COL22A1: variants seen among roughly 807,000 people sequenced by gnomAD.
COL22A1 encodes collagen alpha-1(XXII) chain.
In COL22A1, 221 loss-of-function variants were observed where a neutral mutation model predicts 248.9. That is an observed-to-expected ratio of 0.89 (90% CI 0.80 to 0.99). The LOEUF is 0.99. Ranked by LOEUF, COL22A1 falls within the 50% of genes least tolerant of loss-of-function variation. COL22A1 has a pLI of 0.00. For missense variants in COL22A1, 2,240 were observed against 2,179.0 expected, an observed-to-expected ratio of 1.03 and a Z score of -0.56; for synonymous variants, 891 against 793.4, an observed-to-expected ratio of 1.12 and a Z score of -2.07.
At chr8:138,747,638 A>G (rs1832232644) in intron 22 of COL22A1, among the ~76,000 whole-genome samples, 1 of 152,122 alleles carries the variant, frequency 6.6e-6, no homozygotes, top group Admixed American at 6.5e-5. Context: ...TTCCTGCATC[A>G]CCTGCTTACA....
intron 4 of COL22A1, among the ~76,000 whole-genome samples, chr8:138,836,618 C>A (rs546210262): frequency 6.6e-6 from 1 of 152,152 alleles, no homozygotes; most frequent in Admixed American, 6.5e-5. Flanking sequence ...CTCCCTGACA[C>A]CAATATCCTG....
rs578217733 is a variant in COL22A1 at position 138,636,634 on chromosome 8, G to T, written c.3555+108C>A. ...TAAAAATGAGATTTTAAAAAATCCT[G>T]CTACAGGCAAAGAAGAGACAAGGAA... On this transcript the variant is annotated intron_variant, in intron 48 of 64. Transcript: ENST00000303045. The T allele has an allele frequency of 3.0e-4, 251 of 827,680 alleles. 2 individuals are homozygous for T. In the South Asian group the frequency reaches 3.5e-3, roughly 12 times the overall value. 51.3% of individuals were successfully genotyped at this position (827,680 alleles called of 1,614,324 possible).
chr8:138,717,297 G>C (rs925880648), intron 27 of COL22A1, among the ~76,000 whole-genome samples: 1 of 151,896 alleles, frequency 6.6e-6, no homozygotes, highest in Non-Finnish European at 1.5e-5. Flanking sequence ...ACAGGTGCCT[G>C]CCACCACGCC....
intron 7 of COL22A1, among the ~76,000 whole-genome samples, chr8:138,817,653 G>T (rs143346422): frequency 4.7e-4 from 71 of 152,298 alleles, no homozygotes; most frequent in African/African-American, 1.5e-3. Context: ...TAATACAAAT[G>T]GGTACCTTGG....
chr8:138,829,466 G>T (rs1355361052), intron 5 of COL22A1, among the ~76,000 whole-genome samples: 2 of 130,220 alleles, frequency 1.5e-5, no homozygotes, highest in African/African-American at 5.7e-5. Context: ...GAGTGCAATG[G>T]CATGATCTCA....
At chr8:138,654,390 A>G (rs189044776) in intron 45 of COL22A1, among the ~76,000 whole-genome samples, 3 of 152,346 alleles carry the variant, frequency 2.0e-5, no homozygotes, top group East Asian at 3.9e-4. Flanking sequence ...TTTTAATAAA[A>G]GGTGTAATTT....
chr8:138,742,469 GTGA>G (rs1326607382), intron 22 of COL22A1, among the ~76,000 whole-genome samples: 2 of 151,806 alleles, frequency 1.3e-5, no homozygotes, highest in Admixed American at 1.3e-4. Context: ...GATTGTGATG[GTGA>G]TGGTGGAGTT....
intron 47 of COL22A1, among the ~76,000 whole-genome samples, chr8:138,644,810 TA>T (rs1312174689): frequency 6.6e-6 from 1 of 152,210 alleles, no homozygotes; most frequent in Non-Finnish European, 1.5e-5. Flanking sequence ...CTGCTCAGCA[TA>T]AATTCCTGCT....
At chr8:138,603,711 C>T (rs1312987732) in intron 59 of COL22A1, among the ~76,000 whole-genome samples, 1 of 152,162 alleles carries the variant, frequency 6.6e-6, no homozygotes, top group Non-Finnish European at 1.5e-5. Context: ...ATGATACACT[C>T]AGTGAGTGGC....
intron 3 of COL22A1, among the ~76,000 whole-genome samples, chr8:138,871,435 C>G (rs1164693573): frequency 6.6e-6 from 1 of 152,212 alleles, no homozygotes; most frequent in Admixed American, 6.5e-5. Context: ...TCTTGGCTTG[C>G]ACAGTTGTTT....
At chr8:138,665,368 T>C (rs1230085412) in intron 41 of COL22A1, among the ~76,000 whole-genome samples, 2 of 152,232 alleles carry the variant, frequency 1.3e-5, no homozygotes, top group Non-Finnish European at 2.9e-5. Flanking sequence ...ACAGGCTTTT[T>C]CTGTAAAGGG....
At chr8:138,593,132 C>T (rs1383245680) in intron 63 of COL22A1, among the ~76,000 whole-genome samples, 1 of 152,100 alleles carries the variant, frequency 6.6e-6, no homozygotes, top group Admixed American at 6.5e-5. Flanking sequence ...AAGCCAAACA[C>T]GGCATGTTCT....
intron 40 of COL22A1, among the ~76,000 whole-genome samples, chr8:138,677,995 G>A (rs1168765560): frequency 1.3e-5 from 2 of 152,222 alleles, no homozygotes; most frequent in Non-Finnish European, 1.5e-5. Context: ...ATATTGCTAG[G>A]TAATTTGTTG....
chr8:138,816,635 A>C (rs760548095), intron 7 of COL22A1, among the ~76,000 whole-genome samples: 50 of 152,134 alleles, frequency 3.3e-4, no homozygotes, highest in Admixed American at 1.0e-3. Flanking sequence ...TCAAGTTAGG[A>C]AAACTGAACC....
At chr8:138,692,231 T>G (rs1366665486) in intron 35 of COL22A1, among the ~76,000 whole-genome samples, 20 of 8,402 alleles carry the variant, frequency 2.4e-3, no homozygotes, top group African/African-American at 7.0e-3. Context: ...TGCACGTGCA[T>G]GTGCATGTTT....
At chr8:138,776,091 C>T in intron 15 of COL22A1, 81 bp from the exon 16 acceptor site, 1 of 1,420,468 alleles carries the variant, frequency 7.0e-7, no homozygotes, top group Non-Finnish European at 1.0e-6. Flanking sequence ...CATGGAGAAA[C>T]TGCCTGGCAG....
At chr8:138,852,056 G>T (rs1009286472) in intron 3 of COL22A1, among the ~76,000 whole-genome samples, 1 of 152,104 alleles carries the variant, frequency 6.6e-6, no homozygotes, top group Non-Finnish European at 1.5e-5. Context: ...GGAATTGGGG[G>T]AGTGATGCAT....
chr8:138,679,269 A>G (rs1564183717), intron 40 of COL22A1, among the ~76,000 whole-genome samples: 1 of 152,200 alleles, frequency 6.6e-6, no homozygotes, highest in Non-Finnish European at 1.5e-5. Flanking sequence ...TGCTTTAAAA[A>G]TCTTAATGCA....
intron 10 of COL22A1, among the ~76,000 whole-genome samples, 156 bp from the exon 11 acceptor site, chr8:138,803,090 G>A (rs1041088107): frequency 6.6e-6 from 1 of 152,174 alleles, no homozygotes; most frequent in African/African-American, 2.4e-5. Context: ...CCCACCCCTG[G>A]AGAGGAGGAA....
Sources: allele counts gnomAD v4.1 joint callset (sites outside exome capture counted in the v4.1 genomes callset), GRCh38; gene constraint gnomAD v4.1.1; transcripts MANE v1.5; gene names NCBI Gene and HGNC (gene_info 2026-07-23, HGNC 2026-07-21).